RUNDC3B: variants seen among roughly 807,000 people sequenced by gnomAD.
RUNDC3B encodes the protein RUN domain containing 3B.
Under a neutral mutation model 58.4 loss-of-function variants are expected in RUNDC3B, and 33 were observed. That is an observed-to-expected ratio of 0.56 (90% confidence interval 0.43 to 0.75). The LOEUF (loss-of-function observed/expected upper bound fraction) is 0.75, where lower values mean the gene tolerates loss of function less well. Ranked by LOEUF, RUNDC3B falls within the 30% of genes least tolerant of loss-of-function variation. The probability of loss-of-function intolerance (pLI) is 0.00; values close to 1 mark genes in which losing one functional copy is unlikely to be tolerated. For missense variants in RUNDC3B, 501 were observed against 535.7 expected (o/e 0.94, Z 0.64); for synonymous variants, 193 against 195.2 (o/e 0.99, Z 0.10).
chr7:87,675,329 C>T (rs1826217609), intron 2 of RUNDC3B, among the ~76,000 whole-genome samples: 1 of 152,186 alleles, frequency 6.6e-6, no homozygotes, highest in African/African-American at 2.4e-5. Flanking sequence ...ATTTTAATGA[C>T]ATTTTTCATA....
At chr7:87,684,693 A>G (rs1424273768) in intron 2 of RUNDC3B, among the ~76,000 whole-genome samples, 1 of 134,404 alleles carries the variant, frequency 7.4e-6, no homozygotes, top group Admixed American at 8.5e-5. Flanking sequence ...GATTGCAGTG[A>G]GTCGAGATCG....
At chr7:87,685,319 A>G (rs902612776) in intron 2 of RUNDC3B, among the ~76,000 whole-genome samples, 1 of 152,240 alleles carries the variant, frequency 6.6e-6, no homozygotes, top group African/African-American at 2.4e-5. Flanking sequence ...ACATATGGCA[A>G]GTAAACAAAT....
chr7:87,701,577 G>A (rs568477772), intron 3 of RUNDC3B, among the ~76,000 whole-genome samples: 1 of 152,300 alleles, frequency 6.6e-6, no homozygotes, highest in South Asian at 2.1e-4. Flanking sequence ...AAAGTGCAAG[G>A]TAGGTCAGTA....
At position 87,628,949 on chromosome 7, in the gene RUNDC3B, C is replaced by T. The variant is rs376905411; in HGVS notation, c.122+4C>T. 7.6e-7 allele frequency: 1 copy of T among 1,309,250 alleles called. No individual in the cohort carries two copies. Among genetic ancestry groups the T allele is most frequent in the Non-Finnish European group, 9.8e-7 (1 of 1,020,280 alleles). The allele number at this position is 1,309,250 out of a possible 1,614,324, so 81.1% of individuals were successfully genotyped here. ...GGAACCTGATCACCGTGTGCAGGTA[C>T]GGCAGCGCAGGGCGAGGGGAACCAG... is the stretch of plus-strand genomic sequence containing the variant. On this transcript the variant is annotated splice_donor_region_variant and intron_variant, in intron 1 of 10. Transcript: ENST00000394654.
In RUNDC3B at chr7:87,639,091, G is replaced by C. The variant is rs181249892; in HGVS notation, c.122+10146G>C. Among the ~76,000 whole-genome samples the C allele has an allele frequency of 7.7e-3, 1,082 of 141,088 alleles. 7 individuals carry two copies. Among genetic ancestry groups the C allele is most frequent in the Admixed American group, 0.014 (178 of 12,892 alleles). The allele number at this position is 141,088 out of a possible 152,430, so 92.6% of individuals were successfully genotyped here. On this transcript the variant is annotated intron_variant, in intron 1 of 10. Transcript: ENST00000394654. ...GGTGTAAACCCCGGAGGCGGAGCTT[G>C]CAGTGAGAAGAGACGGCACACCACT...
intron 1 of RUNDC3B, among the ~76,000 whole-genome samples, chr7:87,638,907 C>A (rs1187633711): frequency 1.3e-5 from 2 of 152,066 alleles, no homozygotes; most frequent in Non-Finnish European, 1.5e-5. Flanking sequence ...AATCCCAGCA[C>A]TTTGGGAGGC....
At chr7:87,703,455 A>G (rs1303104245) in intron 3 of RUNDC3B, among the ~76,000 whole-genome samples, 1 of 152,186 alleles carries the variant, frequency 6.6e-6, no homozygotes, top group Non-Finnish European at 1.5e-5. Flanking sequence ...GTTAATAGCT[A>G]TGATTTTTGT....
chr7:87,753,926 A>T (rs1038927736), intron 6 of RUNDC3B, among the ~76,000 whole-genome samples: 4 of 152,182 alleles, frequency 2.6e-5, no homozygotes, highest in Non-Finnish European at 4.4e-5. Context: ...AGTAAGAAGA[A>T]TTTACCAAGA....
intron 4 of RUNDC3B, among the ~76,000 whole-genome samples, chr7:87,721,040 CA>C (rs1304578591): frequency 1.3e-5 from 2 of 149,540 alleles, no homozygotes; most frequent in Non-Finnish European, 3.0e-5. Flanking sequence ...AGCTAAATGT[CA>C]AAACAAAGGA....
At chr7:87,736,825 T>TTA (rs1297574786) in intron 4 of RUNDC3B, among the ~76,000 whole-genome samples, 1 of 141,054 alleles carries the variant, frequency 7.1e-6, no homozygotes, top group Non-Finnish European at 1.5e-5. Context: ...TTTATATATG[T>TTA]TATATATATG....
intron 9 of RUNDC3B, among the ~76,000 whole-genome samples, chr7:87,807,896 T>C (rs28468388): frequency 0.02 from 3,059 of 152,258 alleles, 110 homozygotes; most frequent in African/African-American, 0.07. Context: ...TTCTGAAGAA[T>C]TCTATTCATT....
At position 87,671,312 on chromosome 7, in the gene RUNDC3B, T is replaced by C. The variant is rs549702780; in HGVS notation, c.238+20375T>C. 2.8e-4 allele frequency among the ~76,000 whole-genome samples: 42 copies of C among 152,290 alleles called. No homozygotes were observed. In the South Asian group the frequency reaches 8.7e-3, roughly 32 times the overall value. ...AAGGGCAGATCCACTGCAGCGGCAG[T>C]CTCAGAGAGGCTTTTAGTTTCCCCT... On this transcript the variant is annotated intron_variant, in intron 2 of 10. Coordinates refer to ENST00000394654, the MANE Select transcript of RUNDC3B (RefSeq NM_001134405.2).
At chr7:87,723,839 A>T (rs1424080547) in intron 4 of RUNDC3B, among the ~76,000 whole-genome samples, 5 of 152,224 alleles carry the variant, frequency 3.3e-5, no homozygotes, top group Non-Finnish European at 7.3e-5. Flanking sequence ...ATTTAAAAAA[A>T]AAGTGAAATT....
intron 4 of RUNDC3B, among the ~76,000 whole-genome samples, chr7:87,712,529 C>T (rs1311795640): frequency 2.6e-5 from 4 of 151,894 alleles, no homozygotes; most frequent in African/African-American, 9.7e-5. Flanking sequence ...TAGTCTTTTC[C>T]AAATAGAAAT....
intron 1 of RUNDC3B, among the ~76,000 whole-genome samples, chr7:87,641,556 AG>A (rs1822455649): frequency 6.6e-6 from 1 of 152,216 alleles, no homozygotes; most frequent in African/African-American, 2.4e-5. Flanking sequence ...TGGGGGCGAC[AG>A]TAAACAATCA....
intron 2 of RUNDC3B, among the ~76,000 whole-genome samples, chr7:87,673,388 C>T (rs1396758724): frequency 6.6e-6 from 1 of 152,086 alleles, no homozygotes; most frequent in African/African-American, 2.4e-5. Flanking sequence ...TTACATAATC[C>T]CATATTTCTC....
rs747871101 is a variant in RUNDC3B, at chr7:87,807,551, AAT to A, written c.1103+34_1103+35del. ...GTAATACTTTTTTTTCCAACTAATT[AAT>A]AGTTAGTTGTACCAAAACATATGGC... On this transcript the variant is annotated intron_variant, in intron 9 of 10. Transcript: ENST00000394654. 7.8e-6 allele frequency: 12 copies of A among 1,543,888 alleles called. No individual in the cohort carries two copies. In the South Asian group the frequency reaches 8.9e-5, roughly 12 times the overall value.
intron 10 of RUNDC3B, among the ~76,000 whole-genome samples, chr7:87,819,196 C>T (rs1176120149): frequency 6.6e-6 from 1 of 152,134 alleles, no homozygotes; most frequent in Non-Finnish European, 1.5e-5. Flanking sequence ...TTAACAAAAG[C>T]TTGAGTCAAC....
At chr7:87,752,564 G>A (rs1833080013) in intron 6 of RUNDC3B, among the ~76,000 whole-genome samples, 1 of 152,086 alleles carries the variant, frequency 6.6e-6, no homozygotes, top group Admixed American at 6.6e-5. Flanking sequence ...CCTGTTATTG[G>A]TCTATTCAGA....
Sources: allele counts gnomAD v4.1 joint callset (sites outside exome capture counted in the v4.1 genomes callset), GRCh38; gene constraint gnomAD v4.1.1; transcripts MANE v1.5; gene names NCBI Gene and HGNC (gene_info 2026-07-23, HGNC 2026-07-21).